Variants in KIRREL3 observed in about 807,000 individuals in gnomAD.
The protein encoded by KIRREL3 is kin of IRRE-like protein 3.
A neutral mutation model predicts 89.7 loss-of-function variants in KIRREL3; 36 were observed. The observed-to-expected ratio is 0.40, with a 90% confidence interval of 0.31 to 0.53. KIRREL3 has a LOEUF of 0.53. Ranked by LOEUF, KIRREL3 falls within the 20% of genes least tolerant of loss-of-function variation. The pLI, the probability that KIRREL3 is intolerant of heterozygous loss-of-function variation, is 0.49. For synonymous variants in KIRREL3, 445 were observed against 441.4 expected (o/e 1.01, Z -0.10); for missense variants, 864 against 1,056.6 (o/e 0.82, Z 2.53).
Position 126,943,675 on chromosome 11 carries a change from T to G in KIRREL3, c.55+56780A>C, listed in dbSNP as rs1948527918. Among the ~76,000 whole-genome samples the G allele has an allele frequency of 6.6e-6, 1 of 152,160 alleles. No individual in the cohort carries two copies. Among genetic ancestry groups the G allele is most frequent in the Admixed American group, 6.5e-5 (1 of 15,288 alleles). ...GACTGCAGGGTCACCAGGGCCAGAA[T>G]GACTGATGTGAGGGGTCAAGGGCAG... On this transcript the variant is annotated intron_variant, in intron 1 of 16. Coordinates refer to ENST00000525144, the MANE Select transcript of KIRREL3 (RefSeq NM_032531.4). The surrounding 1 kb of genome is among the most constrained non-coding windows in gnomAD (Gnocchi z 4.2).
rs1945977599 is a variant in KIRREL3, at chr11:126,892,809, T to C, written c.55+107646A>G. ...TCATTGACATTTCCACGGTAGTGCA[T>C]ACAGCCCTCGAGACCTACTCAAGAG... On this transcript the variant is annotated intron_variant, in intron 1 of 16. Coordinates refer to ENST00000525144, the MANE Select transcript of KIRREL3 (RefSeq NM_032531.4). This position sits in a 1 kb window ranked among gnomAD's most constrained non-coding sequence, Gnocchi z 5.4. Among the ~76,000 whole-genome samples, 1 of 152,148 alleles carries C rather than the reference T, an allele frequency of 6.6e-6. No homozygotes were observed. The highest frequency in any genetic ancestry group is 1.5e-5 in the Non-Finnish European group (1 of 68,028).
chr11:126,546,176 A>T (rs891321300), intron 2 of KIRREL3, among the ~76,000 whole-genome samples: 3 of 152,212 alleles, frequency 2.0e-5, no homozygotes, highest in African/African-American at 7.2e-5. Context: ...GTATCCATGA[A>T]TAATAACACT....
chr11:126,424,387 C>CA lies in KIRREL3; in HGVS notation c.*192_*193insT. On this transcript the variant is annotated 3_prime_UTR_variant, in exon 17 of 17. Transcript: ENST00000525144. ...TGTCTGTCTCCCCACCCGCCCACCT[C>CA]TGGCACACAGCACCTGGGGACCCAG... 1 of 470,682 alleles carries CA rather than the reference C, an allele frequency of 2.1e-6. No individual in the cohort carries two copies. Among genetic ancestry groups the CA allele is most frequent in the East Asian group, 4.2e-5 (1 of 23,602 alleles). The allele number at this position is 470,682 out of a possible 1,614,324, so 29.2% of individuals were successfully genotyped here.
At position 126,817,494 on chromosome 11, in the gene KIRREL3, T is replaced by C. The variant is rs1181235054; in HGVS notation, c.55+182961A>G. Among the ~76,000 whole-genome samples, 1 of 152,152 alleles carries C rather than the reference T, an allele frequency of 6.6e-6. No individual in the cohort carries two copies. The highest frequency in any genetic ancestry group is 2.4e-5 in the African/African-American group (1 of 41,444). On this transcript the variant is annotated intron_variant, in intron 1 of 16. Transcript: ENST00000525144. The surrounding 1 kb of genome is among the most constrained non-coding windows in gnomAD (Gnocchi z 5.7). Reference sequence around the variant, plus strand: ...CCTCAGGCTTCTACCTTCCCATTTCTCCCACCAATCAGGCATTAGCATCCC... The same window carrying C: ...CCTCAGGCTTCTACCTTCCCATTTCCCCCACCAATCAGGCATTAGCATCCC...
chr11:126,440,537 A>T lies in KIRREL3; in HGVS notation c.1265T>A (p.Ile422Asn). Reference protein sequence around the residue: ...VTLTVNGPPIISSTQTQHALH... With the variant: ...VTLTVNGPPINSSTQTQHALH... ...GGCGTGCTGGGTCTGGGTGCTGGAG[A>T]TGATGGGGGGTCCTGTTGAGAAACA... Residue 422 changes from isoleucine to asparagine, a missense_variant, in exon 11 of 17, where the codon ATC (isoleucine) becomes AAC (asparagine). By Grantham distance (149) the Ile-to-Asn change is moderately radical. Transcript: ENST00000525144. 1.3e-6 allele frequency: 2 copies of T among 1,599,246 alleles called. No homozygotes were observed. Among genetic ancestry groups the T allele is most frequent in the Non-Finnish European group, 1.7e-6 (2 of 1,173,390 alleles).
At chr11:126,598,996 C>G (rs1942523513) in intron 1 of KIRREL3, among the ~76,000 whole-genome samples, 1 of 152,204 alleles carries the variant, frequency 6.6e-6, no homozygotes, top group African/African-American at 2.4e-5. Flanking sequence ...AAGAAATGTG[C>G]CTGCCTTCCG....
rs1394606911 is a variant in KIRREL3, at chr11:126,953,806, A to G, written c.55+46649T>C. On this transcript the variant is annotated intron_variant, in intron 1 of 16. Transcript: ENST00000525144. The surrounding 1 kb of genome is among the most constrained non-coding windows in gnomAD (Gnocchi z 5.2). ...GTCTCTCAAACAGCTTTTCTGATAT[A>G]CTGTTTTTATATAAATTCTGCAGTG... is the stretch of plus-strand genomic sequence containing the variant. Among the ~76,000 whole-genome samples, 1 of 152,148 alleles carries G rather than the reference A, an allele frequency of 6.6e-6. No homozygotes were observed. The highest frequency in any genetic ancestry group is 1.5e-5 in the Non-Finnish European group (1 of 68,024).
rs560527213 is a variant in KIRREL3 at position 126,713,434 on chromosome 11, C to T, written c.56-150522G>A. Among the ~76,000 whole-genome samples the T allele has an allele frequency of 1.1e-3, 162 of 152,316 alleles. 2 individuals are homozygous for T. In the South Asian group the frequency reaches 0.024, roughly 23 times the overall value. On this transcript the variant is annotated intron_variant, in intron 1 of 16. Transcript: ENST00000525144. ...TTTATGCCATTCTTAGAAGTTTGGACGTCCTCATGGAGGTAAAGGGGAGCC... is the reference window on the plus strand; with the variant it reads ...TTTATGCCATTCTTAGAAGTTTGGATGTCCTCATGGAGGTAAAGGGGAGCC...
rs1360798108 is a variant in KIRREL3 at position 126,578,139 on chromosome 11, A to G, written c.56-15227T>C. Among the ~76,000 whole-genome samples the G allele has an allele frequency of 6.6e-6, 1 of 152,246 alleles. No individual in the cohort carries two copies. The highest frequency in any genetic ancestry group is 1.5e-5 in the Non-Finnish European group (1 of 68,034). On this transcript the variant is annotated intron_variant, in intron 1 of 16. Coordinates refer to ENST00000525144, the MANE Select transcript of KIRREL3 (RefSeq NM_032531.4). The surrounding 1 kb of genome is among the most constrained non-coding windows in gnomAD (Gnocchi z 4.9). Reference sequence around the variant, plus strand: ...CCAAATTTGCACTGTGAGGCAACACAGAATGAGACTAATCCCTCTTCCACC... The same window carrying G: ...CCAAATTTGCACTGTGAGGCAACACGGAATGAGACTAATCCCTCTTCCACC...
intron 1 of KIRREL3, among the ~76,000 whole-genome samples, chr11:126,952,746 T>C (rs1851454917): frequency 6.6e-6 from 1 of 152,210 alleles, no homozygotes; most frequent in African/African-American, 2.4e-5. Flanking sequence ...TTAATTTTTG[T>C]ATATGGTGTA....
At position 126,861,480 on chromosome 11, in the gene KIRREL3, C is replaced by T. The variant is rs367922044; in HGVS notation, c.55+138975G>A. ...CCTCTAACCCCTTGACAGTGCCTTC[C>T]GTTGGCTGAACCTACACGGTAGCCA... On this transcript the variant is annotated intron_variant, in intron 1 of 16. Coordinates refer to ENST00000525144, the MANE Select transcript of KIRREL3 (RefSeq NM_032531.4). Among the ~76,000 whole-genome samples, 84 of 152,242 alleles carry T rather than the reference C, an allele frequency of 5.5e-4. 1 individual carries two copies. Among genetic ancestry groups the T allele is most frequent in the African/African-American group, 1.9e-3 (78 of 41,542 alleles).
chr11:126,794,665 C>T (rs1330495579), intron 1 of KIRREL3, among the ~76,000 whole-genome samples: 6 of 152,176 alleles, frequency 3.9e-5, no homozygotes, highest in South Asian at 2.1e-4. Context: ...CAAAGTGGTA[C>T]GGCCACGTGG....
rs1439195510 is a variant in KIRREL3 at position 126,723,951 on chromosome 11, G to T, written c.56-161039C>A. On this transcript the variant is annotated intron_variant, in intron 1 of 16. Coordinates refer to ENST00000525144, the MANE Select transcript of KIRREL3 (RefSeq NM_032531.4). This position sits in a 1 kb window ranked among gnomAD's most constrained non-coding sequence, Gnocchi z 4.0. ...TCAAGATCATAATTGCAGAAAACTA[G>T]ACCAATGATCTGATTGCTTTCATAA... is the stretch of plus-strand genomic sequence containing the variant. 6.6e-6 allele frequency among the ~76,000 whole-genome samples: 1 copy of T among 152,152 alleles called. No individual in the cohort carries two copies. The highest frequency in any genetic ancestry group is 1.5e-5 in the Non-Finnish European group (1 of 68,016).
In KIRREL3 at chr11:126,573,701, G is replaced by A. The variant is rs564540735; in HGVS notation, c.56-10789C>T. ...TTATTTTCATTTATTTATTTATTTAGTAATTATTTATCTAGCTATCCAGAG... is the reference window on the plus strand; with the variant it reads ...TTATTTTCATTTATTTATTTATTTAATAATTATTTATCTAGCTATCCAGAG... On this transcript the variant is annotated intron_variant, in intron 1 of 16. Transcript: ENST00000525144. Among the ~76,000 whole-genome samples, 201 of 152,234 alleles carry A rather than the reference G, an allele frequency of 1.3e-3. 5 individuals are homozygous for A. The South Asian group carries it at 0.04, about 30-fold the overall frequency.
At chr11:126,539,338 C>T (rs1181896296) in intron 2 of KIRREL3, among the ~76,000 whole-genome samples, 3 of 152,210 alleles carry the variant, frequency 2.0e-5, no homozygotes, top group South Asian at 2.1e-4. Flanking sequence ...TGGGTCAGAC[C>T]GTGTGGGCCC....
chr11:126,454,730 C>A lies in KIRREL3; in HGVS notation c.848+1619G>T, dbSNP rs559893914. On this transcript the variant is annotated intron_variant, in intron 7 of 16. Transcript: ENST00000525144. The surrounding 1 kb of genome is among the most constrained non-coding windows in gnomAD (Gnocchi z 5.8). ...AATAGATGCCAGACCACAGCCAAAC[C>A]AGACTTGCCCCCTGGACCTGGCTGG... 2.0e-5 allele frequency among the ~76,000 whole-genome samples: 3 copies of A among 152,210 alleles called. No individual in the cohort carries two copies. The highest frequency in any genetic ancestry group is 7.2e-5 in the African/African-American group (3 of 41,528).
intron 12 of KIRREL3, among the ~76,000 whole-genome samples, chr11:126,436,215 G>A (rs1257667843): frequency 6.6e-6 from 1 of 152,094 alleles, no homozygotes; most frequent in Non-Finnish European, 1.5e-5. Context: ...TGAGGTACAG[G>A]GGTCCATGTG....
chr11:126,532,627 C>T (rs376876524), intron 2 of KIRREL3, among the ~76,000 whole-genome samples: 17 of 152,076 alleles, frequency 1.1e-4, no homozygotes, highest in South Asian at 4.1e-4. Context: ...CTGCCCACCT[C>T]GGCTTCCCAA....
At chr11:126,757,491 A>G (rs1949542882) in intron 1 of KIRREL3, among the ~76,000 whole-genome samples, 1 of 152,158 alleles carries the variant, frequency 6.6e-6, no homozygotes, top group Non-Finnish European at 1.5e-5. Context: ...GGAAAGTCAC[A>G]TCTATTTCCT....
Sources: allele counts gnomAD v4.1 joint callset (sites outside exome capture counted in the v4.1 genomes callset), GRCh38; gene constraint gnomAD v4.1.1; non-coding constraint Gnocchi (gnomAD v3.1); transcripts MANE v1.5; gene names NCBI Gene and HGNC (gene_info 2026-07-23, HGNC 2026-07-21).